The following FRAS1 variants were observed in gnomAD, a reference collection of about 807,000 sequenced individuals.
The protein encoded by FRAS1 is Fraser extracellular matrix complex subunit 1.
FRAS1 carries 290 observed loss-of-function variants against 435.2 expected under a neutral mutation model. The observed-to-expected ratio is 0.67, with a 90% CI of 0.61 to 0.73. The LOEUF (loss-of-function observed/expected upper bound fraction) is 0.73, where lower values mean the gene tolerates loss of function less well. FRAS1 is among the 30% of genes least tolerant of loss of function. The pLI, the probability that FRAS1 is intolerant of heterozygous loss-of-function variation, is 0.00. For synonymous variants in FRAS1, 1,800 were observed against 1,851.0 expected, an observed-to-expected ratio of 0.97 and a Z score of 0.71; for missense variants, 4,860 against 5,001.5, an observed-to-expected ratio of 0.97 and a Z score of 0.85.
chr4:78,313,960 G>T (rs1729134095), intron 15 of FRAS1, among the ~76,000 whole-genome samples: 7 of 152,132 alleles, frequency 4.6e-5, no homozygotes, highest in Admixed American at 4.6e-4. Context: ...CTTTTCAGAT[G>T]TTATTTGTCC....
intron 2 of FRAS1, among the ~76,000 whole-genome samples, chr4:78,190,756 G>C (rs116028528): frequency 0.02 from 3,015 of 152,118 alleles, 99 homozygotes; most frequent in African/African-American, 0.069. Flanking sequence ...TTGTGCTTCT[G>C]TTGTGTAGCA....
rs777128974 is a variant in FRAS1 at position 78,438,670 on chromosome 4, C to T, written c.5318C>T (p.Ser1773Leu). The change falls in exon 39 of 74, where the codon TCA (serine) becomes TTA (leucine). Residue 1773 changes from serine to leucine, a missense_variant. Ser to Leu is a moderately radical substitution (Grantham distance 145). Transcript: ENST00000512123. ...RISGSEVEELSEVSNFTMEDI... is the reference protein window; with the variant it reads ...RISGSEVEELLEVSNFTMEDI... ...TCAGGATCTGAGGTGGAAGAGCTCT[C>T]AGAAGTTTCCAATTTCACAATGGAA... 50 of 1,611,916 alleles carry T rather than the reference C, an allele frequency of 3.1e-5. No individual in the cohort carries two copies. In the South Asian group the frequency reaches 5.4e-4, roughly 17 times the overall value.
At chr4:78,365,725 T>C (rs1390201895) in intron 22 of FRAS1, among the ~76,000 whole-genome samples, 1 of 143,978 alleles carries the variant, frequency 6.9e-6, no homozygotes, top group Non-Finnish European at 1.5e-5. Flanking sequence ...GATATTTGAG[T>C]TTCTAGTACA....
chr4:78,494,979 C>T (rs1468725863), intron 59 of FRAS1, among the ~76,000 whole-genome samples: 3 of 152,118 alleles, frequency 2.0e-5, no homozygotes, highest in African/African-American at 7.2e-5. Context: ...TGCTATAACC[C>T]TATATTCTCT....
chr4:78,227,450 C>T (rs189712665), intron 2 of FRAS1, among the ~76,000 whole-genome samples: 50 of 152,326 alleles, frequency 3.3e-4, no homozygotes, highest in African/African-American at 1.2e-3. Flanking sequence ...TGGTTAACAT[C>T]ATGAGGCTGA....
intron 2 of FRAS1, among the ~76,000 whole-genome samples, chr4:78,076,926 T>C (rs1284347817): frequency 6.6e-6 from 1 of 152,146 alleles, no homozygotes; most frequent in Non-Finnish European, 1.5e-5. Flanking sequence ...ATAACACCAG[T>C]CAGGAGATTA....
chr4:78,419,900 C>T (rs1733705145), intron 33 of FRAS1, among the ~76,000 whole-genome samples: 1 of 152,110 alleles, frequency 6.6e-6, no homozygotes, highest in Admixed American at 6.5e-5. Context: ...AAATCTCACT[C>T]ACTCACTCAC....
Position 78,323,664 on chromosome 4 carries a change from C to T in FRAS1, c.2137+4678C>T, listed in dbSNP as rs373264465. On this transcript the variant is annotated intron_variant, in intron 18 of 73. Coordinates refer to ENST00000512123, the MANE Select transcript of FRAS1 (RefSeq NM_025074.7). ...ATAGCTACCTTTGTGCCTGGCTCCT[C>T]CCGGAGTCACTAGTGACAACCAGTG... Among the ~76,000 whole-genome samples, 246 of 152,244 alleles carry T rather than the reference C, an allele frequency of 1.6e-3. 2 individuals carry two copies. Among genetic ancestry groups the T allele is most frequent in the African/African-American group, 5.7e-3 (236 of 41,512 alleles).
At chr4:78,375,949 GA>G in intron 26 of FRAS1, 70 bp downstream of exon 26, 1 of 1,534,538 alleles carries the variant, frequency 6.5e-7, no homozygotes. Context: ...TGAGTTTGCA[GA>G]CATAATTGAC....
intron 2 of FRAS1, among the ~76,000 whole-genome samples, chr4:78,213,243 T>G (rs1253255096): frequency 1.3e-5 from 2 of 152,218 alleles, no homozygotes; most frequent in South Asian, 4.1e-4. Context: ...GATCCATACA[T>G]CCCTCAAGGT....
chr4:78,077,831 CTTTT>C, intron 2 of FRAS1, among the ~76,000 whole-genome samples: 1 of 151,080 alleles, frequency 6.6e-6, no homozygotes, highest in South Asian at 2.1e-4. Flanking sequence ...GAAGAACTTT[CTTTT>C]TTGTTTTTTT....
At chr4:78,430,803 G>A (rs150562670) in intron 37 of FRAS1, among the ~76,000 whole-genome samples, 12 of 151,926 alleles carry the variant, frequency 7.9e-5, no homozygotes, top group Admixed American at 2.0e-4. Context: ...TATTTTTAGC[G>A]CTGTGACTCT....
Position 78,400,871 on chromosome 4 carries a change from A to G in FRAS1, c.4113A>G (p.Gln1371=), listed in dbSNP as rs1732862894. 6.2e-7 allele frequency: 1 copy of G among 1,613,588 alleles called. No homozygotes were observed. Among genetic ancestry groups the G allele is most frequent in the Non-Finnish European group, 8.5e-7 (1 of 1,179,772 alleles). Reference sequence around the variant, plus strand: ...AAGAAATCATCTACAAGATTACACAAGACTACCCCCAGTTTGGTAACTATT... The same window carrying G: ...AAGAAATCATCTACAAGATTACACAGGACTACCCCCAGTTTGGTAACTATT... ...SAEEIIYKIT[Q]DYPQFGEVVL... Residue 1371 remains glutamine (Q), a synonymous_variant, in exon 30 of 74, where the codon CAA becomes CAG. Coordinates refer to ENST00000512123, the MANE Select transcript of FRAS1 (RefSeq NM_025074.7).
At chr4:78,413,116 C>A in intron 32 of FRAS1, 31 bp downstream of exon 32, 1 of 1,321,744 alleles carries the variant, frequency 7.6e-7, no homozygotes, top group East Asian at 2.5e-5. Context: ...GTGGTTTCCA[C>A]TTAGAGGAGG....
intron 4 of FRAS1, among the ~76,000 whole-genome samples, chr4:78,247,476 T>G (rs183559791): frequency 9.9e-5 from 15 of 152,268 alleles, no homozygotes; most frequent in Non-Finnish European, 1.8e-4. Flanking sequence ...ATCTTCTAAT[T>G]TTAGTCTTAA....
In FRAS1 at chr4:78,478,149, A is replaced by G. The variant is rs948747489; in HGVS notation, c.8098+88A>G. Reference sequence around the variant, plus strand: ...TATGTGCTAAGCACTCATCTCATGCATTATCTTAACTCACATGTGTACTTT... The same window carrying G: ...TATGTGCTAAGCACTCATCTCATGCGTTATCTTAACTCACATGTGTACTTT... On this transcript the variant is annotated intron_variant, in intron 55 of 73. Transcript: ENST00000512123. 1.7e-5 allele frequency: 23 copies of G among 1,374,030 alleles called. No individual in the cohort carries two copies. The South Asian group carries it at 3.3e-4, about 20-fold the overall frequency. The allele number at this position is 1,374,030 out of a possible 1,614,324, so 85.1% of individuals were successfully genotyped here.
At chr4:78,308,353 A>G in intron 15 of FRAS1, 144 bp downstream of exon 15, 1 of 903,278 alleles carries the variant, frequency 1.1e-6, no homozygotes, top group South Asian at 1.9e-5. Flanking sequence ...TTTGATTTAG[A>G]TGTGCATAAC....
chr4:78,130,033 G>T (rs1184810599), intron 2 of FRAS1, among the ~76,000 whole-genome samples: 1 of 152,128 alleles, frequency 6.6e-6, no homozygotes, highest in East Asian at 1.9e-4. Context: ...CTGACTGGCA[G>T]CTCTGATTGA....
chr4:78,265,876 T>G (rs1726329570), intron 7 of FRAS1, among the ~76,000 whole-genome samples: 1 of 152,218 alleles, frequency 6.6e-6, no homozygotes, highest in Non-Finnish European at 1.5e-5. Context: ...GATAGGTGCC[T>G]CACAAATTCT....
Sources: gnomAD v4.1 joint callset for allele counts (sites outside exome capture counted in the v4.1 genomes callset) on GRCh38, gnomAD v4.1.1 for gene constraint, MANE v1.5 for transcripts, NCBI Gene and HGNC (gene_info 2026-07-23, HGNC 2026-07-21) for gene names.